The following SCN7A variants were observed in gnomAD, a reference collection of about 807,000 sequenced individuals.
SCN7A encodes the protein sodium voltage-gated channel alpha subunit 7, also known as sodium channel protein type 7 subunit alpha.
Under a neutral mutation model 155.2 loss-of-function variants are expected in SCN7A, and 138 were observed. The ratio of observed to expected loss-of-function variants is 0.89; its 90% CI spans 0.77 to 1.02. The LOEUF is 1.02. SCN7A is among the 50% of genes least tolerant of loss of function. SCN7A has a pLI of 0.00. For synonymous variants in SCN7A, 693 were observed against 649.0 expected (o/e 1.07, Z -1.03); for missense variants, 2,058 against 1,986.6 (o/e 1.04, Z -0.68).
intron 25 of SCN7A, 86 bp from the exon 26 acceptor site, chr2:166,406,732 T>A (rs927550936): frequency 1.3e-5 from 11 of 874,806 alleles, no homozygotes; most frequent in Non-Finnish European, 1.8e-5. Context: ...CACTTAATTG[T>A]TTTTCCCTGT....
intron 19 of SCN7A, among the ~76,000 whole-genome samples, chr2:166,422,270 C>T (rs1378441994): frequency 6.6e-6 from 1 of 152,022 alleles, no homozygotes; most frequent in Non-Finnish European, 1.5e-5. Flanking sequence ...TTGTTCTAGG[C>T]ACATGACTTA....
chr2:166,492,095 G>T (rs140252341), intron 1 of SCN7A, among the ~76,000 whole-genome samples: 1 of 151,936 alleles, frequency 6.6e-6, no homozygotes, highest in Non-Finnish European at 1.5e-5. Context: ...GTGTATATCC[G>T]CTACCAAACC....
Position 166,492,461 on chromosome 2 carries a change from A to C in SCN7A, c.-128+1507T>G, listed in dbSNP as rs77647697. On this transcript the variant is annotated intron_variant, in intron 1 of 25. Transcript: ENST00000643258. Reference sequence around the variant, plus strand: ...TATACGTGATGGCTTCATCCCCAGGAAACAGGACTACAGACCTAAAATCAA... The same window carrying C: ...TATACGTGATGGCTTCATCCCCAGGCAACAGGACTACAGACCTAAAATCAA... Among the ~76,000 whole-genome samples the C allele has an allele frequency of 1.9e-3, 295 of 152,334 alleles. 1 individual carries two copies. The highest frequency in any genetic ancestry group is 6.5e-3 in the African/African-American group (272 of 41,576).
intron 10 of SCN7A, among the ~76,000 whole-genome samples, chr2:166,461,579 T>C (rs531298589): frequency 1.3e-5 from 2 of 152,324 alleles, no homozygotes; most frequent in African/African-American, 2.4e-5. Context: ...GGACACTGTA[T>C]ATATTCAATA....
chr2:166,453,248 A>C (rs1702210077), intron 11 of SCN7A, among the ~76,000 whole-genome samples: 1 of 152,164 alleles, frequency 6.6e-6, no homozygotes, highest in African/African-American at 2.4e-5. Context: ...GTGTATGTAA[A>C]AATTTAGCAT....
At chr2:166,448,222 T>C (rs1235848013) in intron 11 of SCN7A, among the ~76,000 whole-genome samples, 3 of 152,208 alleles carry the variant, frequency 2.0e-5, no homozygotes, top group Non-Finnish European at 4.4e-5. Flanking sequence ...TTGGTCTTTC[T>C]GTGCCTGGCT....
rs114878383 is a variant in SCN7A, at chr2:166,451,174, G to T, written c.1291-3466C>A. 2.0e-3 allele frequency among the ~76,000 whole-genome samples: 306 copies of T among 152,196 alleles called. 2 individuals are homozygous for T. Among genetic ancestry groups the T allele is most frequent in the African/African-American group, 7.1e-3 (296 of 41,534 alleles). On this transcript the variant is annotated intron_variant, in intron 11 of 25. Coordinates refer to ENST00000643258, the MANE Select transcript of SCN7A (RefSeq NM_002976.4). ...TGGGGAATGGGGAATAAAGTACATG[G>T]TAATAATATTGTCGTTGATAAAGTC...
At chr2:166,473,445 C>A (rs1042844837) in intron 5 of SCN7A, among the ~76,000 whole-genome samples, 1 of 151,494 alleles carries the variant, frequency 6.6e-6, no homozygotes, top group Non-Finnish European at 1.5e-5. Flanking sequence ...TTCAAGAAAG[C>A]CTTTTCCCCC....
intron 11 of SCN7A, among the ~76,000 whole-genome samples, chr2:166,453,391 A>G (rs1232690665): frequency 6.6e-6 from 1 of 152,196 alleles, no homozygotes; most frequent in African/African-American, 2.4e-5. Context: ...AGTGTTCTTA[A>G]TATAGATTGC....
chr2:166,423,145 C>A, intron 19 of SCN7A, 114 bp downstream of exon 19: 2 of 1,008,122 alleles, frequency 2.0e-6, no homozygotes, highest in Admixed American at 3.0e-5. Flanking sequence ...CATGTACCAA[C>A]AATGTAGAGA....
chr2:166,440,528 T>C (rs993411039), intron 15 of SCN7A: 6 of 152,230 alleles, frequency 3.9e-5, no homozygotes, highest in South Asian at 2.1e-4. Context: ...TGCAATCATA[T>C]ATGCGATTTT....
chr2:166,416,465 C>G (rs1182209905), intron 21 of SCN7A, among the ~76,000 whole-genome samples: 2 of 152,176 alleles, frequency 1.3e-5, no homozygotes, highest in Non-Finnish European at 2.9e-5. Context: ...TGTAAAATTC[C>G]TATCTTTGTA....
At chr2:166,441,220 C>A in intron 15 of SCN7A, 176 bp downstream of exon 15, 1 of 486,520 alleles carries the variant, frequency 2.1e-6, no homozygotes, top group South Asian at 4.7e-5. Context: ...ACATTTACAG[C>A]ACATTTCAAA....
Position 166,477,507 on chromosome 2 carries a change from C to G in SCN7A, c.190G>C (p.Glu64Gln), listed in dbSNP as rs1305354269. ...TATGGGTCCACATCTTCCAAGGGCT[C>G]TGACACCATTCCTTGAGAAAGGTTT... The part of the protein sequence containing the change: ...YGNLSQGMVS[E>Q]PLEDVDPYYY... Residue 64 changes from glutamate (E) to glutamine (Q), a missense_variant, in exon 3 of 26, where the codon GAG (glutamate) becomes CAG (glutamine). Glu to Gln is a conservative substitution (Grantham distance 29). Coordinates refer to ENST00000643258, the MANE Select transcript of SCN7A (RefSeq NM_002976.4). The G allele has an allele frequency of 2.6e-6, 4 of 1,555,150 alleles. No individual in the cohort carries two copies. The highest frequency in any genetic ancestry group is 3.5e-6 in the Non-Finnish European group (4 of 1,148,024).
intron 2 of SCN7A, among the ~76,000 whole-genome samples, chr2:166,482,418 C>T (rs1479808309): frequency 6.6e-6 from 1 of 151,946 alleles, no homozygotes; most frequent in Admixed American, 6.6e-5. Flanking sequence ...TTTTCTTTTT[C>T]TTTTACTACT....
rs377664108 is a variant in SCN7A at position 166,427,751 on chromosome 2, C to T, written c.2853+37G>A. Reference sequence around the variant, plus strand: ...TTAACAGAATCATGATACATTTGTCCCCAGCAAAGTATCAAACACCCTGGC... The same window carrying T: ...TTAACAGAATCATGATACATTTGTCTCCAGCAAAGTATCAAACACCCTGGC... On this transcript the variant is annotated intron_variant, in intron 18 of 25. Transcript: ENST00000643258. The T allele has an allele frequency of 3.2e-6, 5 of 1,562,940 alleles. No individual in the cohort carries two copies. In the Admixed American group the frequency reaches 5.3e-5, roughly 17 times the overall value.
At position 166,441,642 on chromosome 2, in the gene SCN7A, G is replaced by A. The variant is rs1467279581; in HGVS notation, c.1911C>T (p.Phe637=). Residue 637 remains phenylalanine (F), a synonymous_variant, in exon 15 of 26, where the codon TTC becomes TTT. Coordinates refer to ENST00000643258, the MANE Select transcript of SCN7A (RefSeq NM_002976.4). ...LKDLVLLLFT[F]IFFSAAFGMK... The stretch of plus-strand genomic sequence containing the variant: ...TGCCGAATGCAGCAGAAAAGAAGAT[G>A]AATGTGAACAACAACAGGACCAAGT... 6.2e-7 allele frequency: 1 copy of A among 1,613,756 alleles called. No homozygotes were observed. Among genetic ancestry groups the A allele is most frequent in the Non-Finnish European group, 8.5e-7 (1 of 1,179,818 alleles).
intron 10 of SCN7A, among the ~76,000 whole-genome samples, chr2:166,459,500 A>G (rs1308884473): frequency 6.6e-6 from 1 of 152,178 alleles, no homozygotes; most frequent in Non-Finnish European, 1.5e-5. Context: ...AGTATATCAG[A>G]ATACTTGGAT....
At chr2:166,487,639 A>G (rs1703081976) in intron 1 of SCN7A, among the ~76,000 whole-genome samples, 1 of 152,232 alleles carries the variant, frequency 6.6e-6, no homozygotes, top group African/African-American at 2.4e-5. Context: ...CCTAGGGGAG[A>G]CAAAACAAAT....
Sources: gnomAD v4.1 joint callset for allele counts (sites outside exome capture counted in the v4.1 genomes callset) on GRCh38, gnomAD v4.1.1 for gene constraint, MANE v1.5 for transcripts, NCBI Gene and HGNC (gene_info 2026-07-23, HGNC 2026-07-21) for gene names.